The following PARN variants were observed in gnomAD, a reference collection of about 807,000 sequenced individuals.
PARN encodes the protein poly(A)-specific ribonuclease.
In PARN, 71 loss-of-function variants were observed where a neutral mutation model predicts 102.8. The observed-to-expected ratio is 0.69, with a 90% CI of 0.57 to 0.84. The LOEUF is 0.84. Ranked by LOEUF, PARN falls within the 40% of genes least tolerant of loss-of-function variation. The pLI is 0.00. For synonymous variants in PARN, 261 were observed against 252.9 expected (o/e 1.03, Z -0.30); for missense variants, 782 against 760.9 (o/e 1.03, Z -0.33).
At chr16:14,475,684 G>C (rs1267150355) in intron 22 of PARN, among the ~76,000 whole-genome samples, 1 of 152,216 alleles carries the variant, frequency 6.6e-6, no homozygotes, top group Non-Finnish European at 1.5e-5. Context: ...CAAGGGCTCA[G>C]AGTCAATTCT....
intron 5 of PARN, among the ~76,000 whole-genome samples, chr16:14,625,031 G>A (rs905558375): frequency 1.3e-5 from 2 of 151,820 alleles, no homozygotes; most frequent in Non-Finnish European, 2.9e-5. Flanking sequence ...AAAGAACAAA[G>A]TGCCATCCCC....
rs775379925 is a variant in PARN at position 14,629,584 on chromosome 16, A to C, written c.97+13T>G. On this transcript the variant is annotated intron_variant, in intron 2 of 23. Coordinates refer to ENST00000437198, the MANE Select transcript of PARN (RefSeq NM_002582.4). ...CTGCAAAGTGCTAGCCTGAGCTTGC[A>C]AGGGAGGGATACCTGAAAACTCCCC... 6.3e-7 allele frequency: 1 copy of C among 1,598,668 alleles called. No homozygotes were observed. Among genetic ancestry groups the C allele is most frequent in the Non-Finnish European group, 8.6e-7 (1 of 1,165,862 alleles).
intron 22 of PARN, among the ~76,000 whole-genome samples, chr16:14,452,033 C>G: frequency 6.6e-6 from 1 of 151,916 alleles, no homozygotes; most frequent in African/African-American, 2.4e-5. Flanking sequence ...GCCTGGGTGA[C>G]AGAGTGAGAC....
chr16:14,529,197 C>T (rs781560783), intron 21 of PARN, among the ~76,000 whole-genome samples: 6 of 152,178 alleles, frequency 3.9e-5, no homozygotes, highest in Non-Finnish European at 8.8e-5. Flanking sequence ...AGGAGAGGTA[C>T]GCTGTCGAAT....
chr16:14,618,439 G>A (rs1449703352), intron 5 of PARN, among the ~76,000 whole-genome samples: 1 of 150,136 alleles, frequency 6.7e-6, no homozygotes, highest in Non-Finnish European at 1.5e-5. Flanking sequence ...AGTGAGCCGA[G>A]ATCATGCCAC....
intron 18 of PARN, chr16:14,578,571 A>C (rs965625256): frequency 3.8e-4 from 57 of 151,792 alleles, no homozygotes; most frequent in African/African-American, 1.3e-3. Flanking sequence ...CAGGAGAATC[A>C]CTTGAACCCG....
At chr16:14,449,756 A>C (rs1961369478) in intron 22 of PARN, among the ~76,000 whole-genome samples, 1 of 152,248 alleles carries the variant, frequency 6.6e-6, no homozygotes, top group Non-Finnish European at 1.5e-5. Context: ...TCCATTCATA[A>C]TGCAAAATAA....
intron 22 of PARN, among the ~76,000 whole-genome samples, chr16:14,462,650 G>GAAGA (rs1555479494): frequency 6.6e-6 from 1 of 150,616 alleles, no homozygotes; most frequent in Admixed American, 6.6e-5. Flanking sequence ...GAGACAGAGA[G>GAAGA]AGAAGAAGAA....
At chr16:14,541,172 T>A (rs1966833191) in intron 21 of PARN, among the ~76,000 whole-genome samples, 1 of 151,180 alleles carries the variant, frequency 6.6e-6, no homozygotes, top group African/African-American at 2.4e-5. Flanking sequence ...ATGCAGGGTA[T>A]GTCATGAAAC....
intron 21 of PARN, among the ~76,000 whole-genome samples, chr16:14,547,869 T>C (rs1174474939): frequency 1.3e-5 from 2 of 152,292 alleles, no homozygotes; most frequent in East Asian, 1.9e-4. Flanking sequence ...TAAATAGGCA[T>C]TTAATGATTT....
At chr16:14,527,473 A>AT (rs1372779016) in intron 21 of PARN, among the ~76,000 whole-genome samples, 2 of 152,072 alleles carry the variant, frequency 1.3e-5, no homozygotes, top group East Asian at 1.9e-4. Flanking sequence ...ATCTGTCATA[A>AT]TTTTTTTCTT....
At chr16:14,475,257 T>C (rs1962976380) in intron 22 of PARN, among the ~76,000 whole-genome samples, 1 of 152,218 alleles carries the variant, frequency 6.6e-6, no homozygotes, top group Non-Finnish European at 1.5e-5. Context: ...ATTACAGTAT[T>C]AATAAAATGG....
At chr16:14,620,182 C>T (rs1471839587) in intron 5 of PARN, among the ~76,000 whole-genome samples, 2 of 151,808 alleles carry the variant, frequency 1.3e-5, no homozygotes, top group East Asian at 3.9e-4. Flanking sequence ...TCGAGACCAC[C>T]CTGGCTAACA....
At chr16:14,608,213 A>C in intron 9 of PARN, 68 bp downstream of exon 9, 8 of 1,115,136 alleles carry the variant, frequency 7.2e-6, no homozygotes, top group South Asian at 1.4e-5. Flanking sequence ...ATGAGAACTA[A>C]GAGATTATAT....
intron 22 of PARN, among the ~76,000 whole-genome samples, chr16:14,476,206 CAAATT>C (rs957872480): frequency 2.0e-5 from 3 of 151,962 alleles, no homozygotes; most frequent in African/African-American, 2.4e-5. Context: ...AAAAAGAAGT[CAAATT>C]AATTTAATAT....
chr16:14,482,509 T>C (rs191870426), intron 22 of PARN, 129 bp downstream of exon 22: 4 of 661,776 alleles, frequency 6.0e-6, no homozygotes, highest in African/African-American at 1.8e-5. Context: ...TCACTTCTGA[T>C]ATGATGTGAA....
chr16:14,586,568 T>C (rs1449992991), intron 13 of PARN, among the ~76,000 whole-genome samples: 2 of 152,120 alleles, frequency 1.3e-5, no homozygotes, highest in Non-Finnish European at 2.9e-5. Flanking sequence ...CCATATAACC[T>C]GATAACTAAC....
chr16:14,592,105 C>T (rs1970231417), intron 13 of PARN: 1 of 151,560 alleles, frequency 6.6e-6, no homozygotes, highest in Non-Finnish European at 1.5e-5. Flanking sequence ...TTGGAAATGA[C>T]CAGATCTGGA....
At chr16:14,629,353 T>TA (rs1972881846) in intron 2 of PARN, among the ~76,000 whole-genome samples, 1 of 152,242 alleles carries the variant, frequency 6.6e-6, no homozygotes, top group Non-Finnish European at 1.5e-5. Flanking sequence ...CGCACTGTTT[T>TA]AAGCAGCATC....
Sources: gnomAD v4.1 joint callset for allele counts (sites outside exome capture counted in the v4.1 genomes callset) on GRCh38, gnomAD v4.1.1 for gene constraint, MANE v1.5 for transcripts, NCBI Gene and HGNC (gene_info 2026-07-23, HGNC 2026-07-21) for gene names.